Variants in RFXAP observed in about 807,000 individuals in gnomAD.
The protein encoded by RFXAP is regulatory factor X-associated protein.
RFXAP carries 21 observed loss-of-function variants against 25.7 expected under a neutral mutation model. The ratio of observed to expected loss-of-function variants is 0.82; its 90% CI spans 0.58 to 1.18. The LOEUF is 1.18. RFXAP is among the 50% of genes most tolerant of loss of function. The pLI, the probability that RFXAP is intolerant of heterozygous loss-of-function variation, is 0.00. For synonymous variants in RFXAP, 161 were observed against 152.2 expected (o/e 1.06, Z -0.43); for missense variants, 333 against 363.0 (o/e 0.92, Z 0.67).
At chr13:36,820,016 G>T in intron 1 of RFXAP, 59 bp downstream of exon 1, 2 of 1,589,454 alleles carry the variant, frequency 1.3e-6, no homozygotes, top group South Asian at 1.1e-5. Context: ...CGATCTTAAC[G>T]CAAACCGCAT....
At position 36,819,828 on chromosome 13, in the gene RFXAP, C is replaced by T; in HGVS notation, c.471C>T (p.Arg157=). Residue 157 remains arginine, a synonymous_variant, in exon 1 of 3, where the codon CGC becomes CGT. Coordinates refer to ENST00000255476, the MANE Select transcript of RFXAP (RefSeq NM_000538.4). ...SETTSQVAKQ[R]KPWMCKKHRN... ...CCACGAGCCAGGTGGCCAAGCAGCGCAAACCGTGGATGTGCAAGAAACACC... is the reference window on the plus strand; with the variant it reads ...CCACGAGCCAGGTGGCCAAGCAGCGTAAACCGTGGATGTGCAAGAAACACC... 1.2e-6 allele frequency: 2 copies of T among 1,603,344 alleles called. No individual in the cohort carries two copies. The highest frequency in any genetic ancestry group is 1.7e-6 in the Non-Finnish European group (2 of 1,174,532).
chr13:36,823,665 AAATT>A (rs2057969711), intron 1 of RFXAP, among the ~76,000 whole-genome samples: 1 of 152,202 alleles, frequency 6.6e-6, no homozygotes, highest in Non-Finnish European at 1.5e-5. Flanking sequence ...TAAGGTAAAA[AAATT>A]AAAGAAATTA....
At position 36,827,681 on chromosome 13, in the gene RFXAP, G is replaced by C. The variant is rs1179641697; in HGVS notation, c.747G>C (p.Gln249His). The change falls in exon 3 of 3, where the codon CAG (glutamine) becomes CAC (histidine). Residue 249 changes from glutamine (Q) to histidine (H), a missense_variant. By Grantham distance (24) the Gln-to-His change is conservative (BLOSUM62 0). Transcript: ENST00000255476. ...LRSPEVVQFLQKQQQLLNQQV... is the reference protein window; with the variant it reads ...LRSPEVVQFLHKQQQLLNQQV... ...GTCCAGAAGTAGTGCAATTTTTACA[G>C]AAACAGCAACAGCTATTAAATCAGC... 3.1e-6 allele frequency: 5 copies of C among 1,613,718 alleles called. No homozygotes were observed. In the Admixed American group the frequency reaches 8.3e-5, roughly 27 times the overall value.
At position 36,819,900 on chromosome 13, in the gene RFXAP, G is replaced by C. The variant is rs142778056; in HGVS notation, c.543G>C (p.Gln181His). The C allele has an allele frequency of 5.4e-5, 87 of 1,613,616 alleles. No individual in the cohort carries two copies. Among genetic ancestry groups the C allele is most frequent in the Middle Eastern group, 3.3e-4 (2 of 6,084 alleles). Residue 181 changes from glutamine to histidine, a missense_variant, in exon 1 of 3, where the codon CAG (glutamine) becomes CAC (histidine). Transcript: ENST00000255476. The part of the protein sequence containing the change: ...KDKYKKKKSD[Q>H]ALNCGGTAST... The stretch of plus-strand genomic sequence containing the variant: ...AGTATAAAAAGAAGAAGAGCGACCA[G>C]GCCCTGAACTGCGGTGGGACTGCCT...
intron 1 of RFXAP, among the ~76,000 whole-genome samples, chr13:36,824,793 C>G (rs531273935): frequency 6.6e-6 from 1 of 152,042 alleles, no homozygotes; most frequent in African/African-American, 2.4e-5. Context: ...TTAGGACTTA[C>G]CTGTTTTGTT....
chr13:36,825,224 G>A (rs560193791), intron 1 of RFXAP, among the ~76,000 whole-genome samples: 3 of 152,272 alleles, frequency 2.0e-5, no homozygotes, highest in East Asian at 1.9e-4. Flanking sequence ...AATCTGGGGG[G>A]AGAGGGAGCG....
chr13:36,821,478 T>A (rs896904245), intron 1 of RFXAP, among the ~76,000 whole-genome samples: 2 of 151,754 alleles, frequency 1.3e-5, no homozygotes, highest in Admixed American at 1.3e-4. Context: ...CTGGGTAACA[T>A]AGGGAGACCC....
At chr13:36,820,550 T>A (rs2057958698) in intron 1 of RFXAP, among the ~76,000 whole-genome samples, 1 of 152,204 alleles carries the variant, frequency 6.6e-6, no homozygotes, top group Non-Finnish European at 1.5e-5. Context: ...CTATGTTTAG[T>A]CCCTTGTTCT....
intron 2 of RFXAP, 150 bp from the exon 3 acceptor site, chr13:36,827,493 C>G: frequency 1.7e-6 from 1 of 594,972 alleles, no homozygotes; most frequent in Non-Finnish European, 3.0e-6. Flanking sequence ...AGCTTAGTTG[C>G]AGTGCATCCG....
chr13:36,820,966 A>T (rs1300287474), intron 1 of RFXAP, among the ~76,000 whole-genome samples: 1 of 152,174 alleles, frequency 6.6e-6, no homozygotes, highest in Non-Finnish European at 1.5e-5. Flanking sequence ...TTAGTGGTAT[A>T]CTTTGAGGCT....
chr13:36,822,303 C>T (rs1593531083), intron 1 of RFXAP, among the ~76,000 whole-genome samples: 1 of 152,014 alleles, frequency 6.6e-6, no homozygotes, highest in East Asian at 1.9e-4. Context: ...GTTGGCCAGT[C>T]TGGTCTCGAA....
chr13:36,819,264 C>A lies in RFXAP; in HGVS notation c.-94C>A. The A allele has an allele frequency of 8.4e-7, 1 of 1,186,676 alleles. No individual in the cohort carries two copies. Among genetic ancestry groups the A allele is most frequent in the Non-Finnish European group, 1.1e-6 (1 of 950,914 alleles). The allele number at this position is 1,186,676 out of a possible 1,614,324, so 73.5% of individuals were successfully genotyped here. A position where few individuals can be genotyped will look rare whatever the true frequency, so the allele number is the denominator to read the frequency against. On this transcript the variant is annotated 5_prime_UTR_variant, in exon 1 of 3. Coordinates refer to ENST00000255476, the MANE Select transcript of RFXAP (RefSeq NM_000538.4). Reference sequence around the variant, plus strand: ...CTTCCCGGTATAGGCGCCTTTTACCCCAGCGTGTCCTGAGTCTTTGGTTCG... The same window carrying A: ...CTTCCCGGTATAGGCGCCTTTTACCACAGCGTGTCCTGAGTCTTTGGTTCG...
At position 36,827,629 on chromosome 13, in the gene RFXAP, C is replaced by A; in HGVS notation, c.709-14C>A. ...GATTAATGCTATTAATAATTTTTTT[C>A]TTTTCTTTCTAAGTCGTTACTAAGA... On this transcript the variant is annotated splice_polypyrimidine_tract_variant and intron_variant, in intron 2 of 2. Coordinates refer to ENST00000255476, the MANE Select transcript of RFXAP (RefSeq NM_000538.4). 3 of 1,591,562 alleles carry A rather than the reference C, an allele frequency of 1.9e-6. No individual in the cohort carries two copies. Among genetic ancestry groups the A allele is most frequent in the Non-Finnish European group, 2.6e-6 (3 of 1,160,590 alleles).
chr13:36,823,357 A>C (rs2138215853), intron 1 of RFXAP, among the ~76,000 whole-genome samples: 1 of 152,352 alleles, frequency 6.6e-6, no homozygotes, highest in East Asian at 1.9e-4. Flanking sequence ...TTCTAGCTAA[A>C]ATAGTTGAGT....
In RFXAP at chr13:36,827,628, T is replaced by C. The variant is rs1470733793; in HGVS notation, c.709-15T>C. ...AGATTAATGCTATTAATAATTTTTT[T>C]CTTTTCTTTCTAAGTCGTTACTAAG... On this transcript the variant is annotated splice_polypyrimidine_tract_variant and intron_variant, in intron 2 of 2. Transcript: ENST00000255476. The C allele has an allele frequency of 6.3e-7, 1 of 1,581,682 alleles. No individual in the cohort carries two copies. Among genetic ancestry groups the C allele is most frequent in the African/African-American group, 1.3e-5 (1 of 74,210 alleles).
In RFXAP at chr13:36,819,385, GC is replaced by G; in HGVS notation, c.29del (p.Ala10GlyfsTer15). 7.7e-7 allele frequency: 1 copy of G among 1,297,128 alleles called. No homozygotes were observed. The highest frequency in any genetic ancestry group is 9.7e-7 in the Non-Finnish European group (1 of 1,028,212). 80.4% of individuals were successfully genotyped at this position (1,297,128 alleles called of 1,614,324 possible). A position where few individuals can be genotyped will look rare whatever the true frequency, so the allele number is the denominator to read the frequency against. On this transcript the variant is annotated frameshift_variant, in exon 1 of 3. Coordinates refer to ENST00000255476, the MANE Select transcript of RFXAP (RefSeq NM_000538.4). LOFTEE classifies it high-confidence loss of function. ...GGAGGCGCAGGGTGTAGCGGAGGGCGCGGGGCCGGGCGCCGCCAGCGGCGTG... is the reference window on the plus strand; with the variant it reads ...GGAGGCGCAGGGTGTAGCGGAGGGCGGGGGCCGGGCGCCGCCAGCGGCGTG... Reference protein sequence around the residue: MEAQGVAEGAGPGAASGVPH... With the variant: MEAQGVAEGXGPGAASGVPH...
At chr13:36,827,234 G>T (rs1220072794) in intron 2 of RFXAP, among the ~76,000 whole-genome samples, 1 of 152,040 alleles carries the variant, frequency 6.6e-6, no homozygotes, top group African/African-American at 2.4e-5. Flanking sequence ...TAGTTTGTAT[G>T]TATGTACAAA....
Position 36,825,537 on chromosome 13 carries a change from T to C in RFXAP, c.708+2T>C. The stretch of plus-strand genomic sequence containing the variant: ...CAAGTGTTAAATCAAAAAAGACTGG[T>C]AAATATCTGTTTGTAAATCAGTTAT... On this transcript the variant is annotated splice_donor_variant, in intron 2 of 2. Coordinates refer to ENST00000255476, the MANE Select transcript of RFXAP (RefSeq NM_000538.4). LOFTEE classifies it high-confidence loss of function. 6.3e-7 allele frequency: 1 copy of C among 1,584,840 alleles called. No homozygotes were observed. The highest frequency in any genetic ancestry group is 8.7e-7 in the Non-Finnish European group (1 of 1,155,564).
In RFXAP at chr13:36,827,672, A is replaced by G. The variant is rs557694029; in HGVS notation, c.738A>G (p.Gln246=). ...LSLLRSPEVV[Q]FLQKQQQLLN... ...TACTAAGAAGTCCAGAAGTAGTGCA[A>G]TTTTTACAGAAACAGCAACAGCTAT... The change falls in exon 3 of 3, where the codon CAA becomes CAG. Residue 246 remains glutamine, a synonymous_variant. Coordinates refer to ENST00000255476, the MANE Select transcript of RFXAP (RefSeq NM_000538.4). 6 of 1,613,746 alleles carry G rather than the reference A, an allele frequency of 3.7e-6. No homozygotes were observed. The African/African-American group carries it at 4.0e-5, about 11-fold the overall frequency.
Sources: gnomAD v4.1 joint callset for allele counts (sites outside exome capture counted in the v4.1 genomes callset) on GRCh38, gnomAD v4.1.1 for gene constraint, MANE v1.5 for transcripts, NCBI Gene and HGNC (gene_info 2026-07-23, HGNC 2026-07-21) for gene names.